Variants in OGDH observed in about 807,000 individuals in gnomAD.
OGDH encodes oxoglutarate dehydrogenase.
Under a neutral mutation model 116.6 loss-of-function variants are expected in OGDH, and 38 were observed. The observed-to-expected ratio is 0.33, with a 90% CI of 0.25 to 0.43. OGDH has a LOEUF of 0.43. OGDH is among the 20% of genes least tolerant of loss of function. The pLI is 1.00. For synonymous variants in OGDH, 488 were observed against 533.3 expected, an observed-to-expected ratio of 0.92 and a Z score of 1.17; for missense variants, 825 against 1,357.2, an observed-to-expected ratio of 0.61 and a Z score of 6.16.
In OGDH at chr7:44,696,561, A is replaced by T; in HGVS notation, c.1900+4A>T. On this transcript the variant is annotated splice_donor_region_variant and intron_variant, in intron 14 of 22. Coordinates refer to ENST00000222673, the MANE Select transcript of OGDH (RefSeq NM_002541.4). ...GAAAACTTTACTATTCATGGAGGTAACACGCTCTGTGCTGACCTGTGGAAA... is the reference window on the plus strand; with the variant it reads ...GAAAACTTTACTATTCATGGAGGTATCACGCTCTGTGCTGACCTGTGGAAA... 1 of 1,614,184 alleles carries T rather than the reference A, an allele frequency of 6.2e-7. No homozygotes were observed. The highest frequency in any genetic ancestry group is 1.7e-5 in the Admixed American group (1 of 60,026).
rs1299393907 is a variant in OGDH at position 44,696,021 on chromosome 7, C to A, written c.1669-4C>A. The A allele has an allele frequency of 1.3e-6, 2 of 1,575,122 alleles. No individual in the cohort carries two copies. Among genetic ancestry groups the A allele is most frequent in the Middle Eastern group, 1.7e-4 (1 of 5,870 alleles). On this transcript the variant is annotated splice_polypyrimidine_tract_variant and splice_region_variant and intron_variant, in intron 12 of 22. Coordinates refer to ENST00000222673, the MANE Select transcript of OGDH (RefSeq NM_002541.4). ...GTCACGCTGTGTTGTGCCCAACCCTCCAGGAGGAAATTTCCAAGTATGATA... is the reference window on the plus strand; with the variant it reads ...GTCACGCTGTGTTGTGCCCAACCCTACAGGAGGAAATTTCCAAGTATGATA...
chr7:44,679,408 C>T (rs2116211717), intron 9 of OGDH, among the ~76,000 whole-genome samples: 1 of 152,332 alleles, frequency 6.6e-6, no homozygotes. Flanking sequence ...TCCTAGTGAG[C>T]ACCTGCCACA....
At chr7:44,704,595 T>C (rs1788980848) in intron 20 of OGDH, among the ~76,000 whole-genome samples, 2 of 152,168 alleles carry the variant, frequency 1.3e-5, no homozygotes, top group South Asian at 4.1e-4. Flanking sequence ...ATTCTAGATA[T>C]TAATTCCTTA....
At position 44,676,114 on chromosome 7, in the gene OGDH, G is replaced by A. The variant is rs1275341890; in HGVS notation, c.1171G>A (p.Glu391Lys). ...DPVVMGKTKA[E>K]QFYCGDTEGK... ...CGTGGTGATGGGCAAGACCAAAGCCGAACAGTTTTACTGTGGCGACACTGA... is the reference window on the plus strand; with the variant it reads ...CGTGGTGATGGGCAAGACCAAAGCCAAACAGTTTTACTGTGGCGACACTGA... The change falls in exon 9 of 23, where the codon GAA becomes AAA. Residue 391 changes from glutamate to lysine, a missense_variant. By Grantham distance (56) the Glu-to-Lys change is moderately conservative (BLOSUM62 1). Around this residue, in one of 7 missense-constraint regions of OGDH, gnomAD observed 146 missense variants for 317.3 expected, o/e 0.46. Transcript: ENST00000222673. 1 of 1,613,922 alleles carries A rather than the reference G, an allele frequency of 6.2e-7. No homozygotes were observed. The highest frequency in any genetic ancestry group is 8.5e-7 in the Non-Finnish European group (1 of 1,180,016).
At chr7:44,680,718 G>A (rs370124891) in intron 9 of OGDH, among the ~76,000 whole-genome samples, 11 of 152,154 alleles carry the variant, frequency 7.2e-5, no homozygotes, top group African/African-American at 2.4e-4. Context: ...GGAGGAAGCT[G>A]GCTTCTTAGA....
intron 1 of OGDH, among the ~76,000 whole-genome samples, chr7:44,612,072 T>C (rs1342926280): frequency 6.6e-6 from 1 of 152,194 alleles, no homozygotes; most frequent in Non-Finnish European, 1.5e-5. Context: ...TTTCTGTATG[T>C]GGTTTAAAGT....
intron 2 of OGDH, among the ~76,000 whole-genome samples, chr7:44,628,535 T>G (rs1785296112): frequency 1.3e-5 from 2 of 151,694 alleles, no homozygotes; most frequent in Admixed American, 1.3e-4. Flanking sequence ...GGAGGATTGC[T>G]TGAGTCCAGG....
At chr7:44,671,106 G>A (rs1436663246) in intron 5 of OGDH, among the ~76,000 whole-genome samples, 1 of 152,054 alleles carries the variant, frequency 6.6e-6, no homozygotes, top group African/African-American at 2.4e-5. Context: ...AGGAATATCT[G>A]AGGTTGGATA....
At chr7:44,698,513 A>G (rs942883786) in intron 18 of OGDH, among the ~76,000 whole-genome samples, 2 of 152,106 alleles carry the variant, frequency 1.3e-5, no homozygotes, top group African/African-American at 4.8e-5. Context: ...TGCTGCAAGC[A>G]CAGAAACGCC....
At chr7:44,671,475 C>T (rs186013906) in intron 5 of OGDH, among the ~76,000 whole-genome samples, 1 of 152,160 alleles carries the variant, frequency 6.6e-6, no homozygotes, top group African/African-American at 2.4e-5. Context: ...ATAAAAATAT[C>T]TTAAATAGCC....
chr7:44,621,896 T>C lies in OGDH; in HGVS notation c.-27-2421T>C, dbSNP rs182750578. Among the ~76,000 whole-genome samples, 145 of 151,884 alleles carry C rather than the reference T, an allele frequency of 9.5e-4. 1 individual carries two copies. The highest frequency in any genetic ancestry group is 3.3e-3 in the African/African-American group (137 of 41,446). On this transcript the variant is annotated intron_variant, in intron 1 of 22. Transcript: ENST00000222673. ...AAAAAAAAAAAATCTCCAGCTGTTG[T>C]GGCAGCTCTGCTGGGCAGCACTTAA... is the stretch of plus-strand genomic sequence containing the variant.
chr7:44,677,713 A>G (rs1787759911), intron 9 of OGDH, among the ~76,000 whole-genome samples: 1 of 151,872 alleles, frequency 6.6e-6, no homozygotes, highest in Non-Finnish European at 1.5e-5. Context: ...TACTAAAAAT[A>G]CAAAAAAAAA....
intron 3 of OGDH, among the ~76,000 whole-genome samples, chr7:44,647,018 C>T (rs1413560606): frequency 1.3e-5 from 2 of 152,164 alleles, no homozygotes; most frequent in Admixed American, 1.3e-4. Flanking sequence ...AACTCCTAGG[C>T]TCAAGAGATC....
At position 44,708,091 on chromosome 7, in the gene OGDH, A is replaced by G; in HGVS notation, c.*92A>G. ...AAAGAATAGTGCCTCAGCGCTGCCC[A>G]CACCACCGCCCTCCTCGCTGTGCCA... On this transcript the variant is annotated 3_prime_UTR_variant, in exon 23 of 23. Coordinates refer to ENST00000222673, the MANE Select transcript of OGDH (RefSeq NM_002541.4). 1 of 1,497,098 alleles carries G rather than the reference A, an allele frequency of 6.7e-7. No individual in the cohort carries two copies. The highest frequency in any genetic ancestry group is 2.1e-4 in the Middle Eastern group (1 of 4,878). 92.7% of individuals were successfully genotyped at this position (1,497,098 alleles called of 1,614,324 possible).
intron 2 of OGDH, among the ~76,000 whole-genome samples, chr7:44,631,683 C>T (rs1785445360): frequency 1.3e-5 from 2 of 152,216 alleles, no homozygotes; most frequent in African/African-American, 4.8e-5. Context: ...GTTTGCAGCT[C>T]ATGACAGCTG....
chr7:44,705,625 A>T (rs1424920986), intron 20 of OGDH, among the ~76,000 whole-genome samples: 1 of 152,074 alleles, frequency 6.6e-6, no homozygotes, highest in African/African-American at 2.4e-5. Context: ...TGCAGCCTCA[A>T]TTCCTGGGCT....
intron 2 of OGDH, among the ~76,000 whole-genome samples, chr7:44,644,709 T>A (rs564860265): frequency 1.3e-5 from 2 of 152,214 alleles, no homozygotes; most frequent in African/African-American, 4.8e-5. Flanking sequence ...AGCAATGATA[T>A]TATTTCTCTG....
At chr7:44,648,230 T>C (rs1340406358) in intron 4 of OGDH, among the ~76,000 whole-genome samples, 1 of 152,214 alleles carries the variant, frequency 6.6e-6, no homozygotes, top group Non-Finnish European at 1.5e-5. Flanking sequence ...CTAGAGCAAG[T>C]TGTGCAGTTG....
At position 44,708,127 on chromosome 7, in the gene OGDH, C is replaced by G; in HGVS notation, c.*128C>G. On this transcript the variant is annotated 3_prime_UTR_variant, in exon 23 of 23. Coordinates refer to ENST00000222673, the MANE Select transcript of OGDH (RefSeq NM_002541.4). Reference sequence around the variant, plus strand: ...CTCCTCGCTGTGCCACCACCCCTCCCTCTGCTCTCATAGGAGTTAGGCTGT... The same window carrying G: ...CTCCTCGCTGTGCCACCACCCCTCCGTCTGCTCTCATAGGAGTTAGGCTGT... The G allele has an allele frequency of 7.7e-7, 1 of 1,302,274 alleles. No individual in the cohort carries two copies. The highest frequency in any genetic ancestry group is 1.1e-6 in the Non-Finnish European group (1 of 950,034). 80.7% of individuals were successfully genotyped at this position (1,302,274 alleles called of 1,614,324 possible). A position where few individuals can be genotyped will look rare whatever the true frequency, so the allele number is the denominator to read the frequency against.
Sources: gnomAD v4.1 joint callset for allele counts (sites outside exome capture counted in the v4.1 genomes callset) on GRCh38, gnomAD v4.1.1 for gene constraint, gnomAD v4.1.1 regional missense constraint, MANE v1.5 for transcripts, NCBI Gene and HGNC (gene_info 2026-07-23, HGNC 2026-07-21) for gene names.